The following COX10 variants were observed in gnomAD, a reference collection of about 807,000 sequenced individuals.
COX10 encodes cytochrome c oxidase assembly factor heme A:farnesyltransferase COX10.
In COX10, 27 loss-of-function variants were observed where a neutral mutation model predicts 37.3. The observed-to-expected ratio is 0.72, with a 90% CI of 0.53 to 1.00. COX10 has a LOEUF of 1.00. Ranked by LOEUF, COX10 falls within the 50% of genes least tolerant of loss-of-function variation. COX10 has a pLI of 0.00. For missense variants in COX10, 475 were observed against 563.2 expected (o/e 0.84, Z 1.59); for synonymous variants, 222 against 229.1 (o/e 0.97, Z 0.28).
At chr17:14,086,266 ATT>A (rs1915407323) in intron 3 of COX10, among the ~76,000 whole-genome samples, 1 of 152,008 alleles carries the variant, frequency 6.6e-6, no homozygotes, top group African/African-American at 2.4e-5. Context: ...ATTTATCTGC[ATT>A]GTTAATATTA....
Position 14,192,176 on chromosome 17 carries a change from C to A in COX10, c.883C>A (p.Pro295Thr). Residue 295 changes from proline (P) to threonine (T), a missense_variant, in exon 6 of 7, where the codon CCG becomes ACG. Physicochemically the swap from Pro to Thr is conservative, Grantham distance 38. Transcript: ENST00000261643. ...TWVGAVVGAI[P>T]PVMGWTAATG... ...GGTCGGAGCTGTGGTTGGGGCCATC[C>A]CGCCTGTCATGGGCTGGACAGCGGC... The A allele has an allele frequency of 6.2e-7, 1 of 1,614,256 alleles. No homozygotes were observed. The highest frequency in any genetic ancestry group is 8.5e-7 in the Non-Finnish European group (1 of 1,180,032).
intron 4 of COX10, 74 bp from the exon 5 acceptor site, chr17:14,159,803 T>A: frequency 9.0e-7 from 1 of 1,116,154 alleles, no homozygotes; most frequent in Non-Finnish European, 1.3e-6. Flanking sequence ...ACAGAAAAAA[T>A]GTTCAGTACT....
intron 5 of COX10, among the ~76,000 whole-genome samples, chr17:14,189,461 C>A (rs1255722250): frequency 2.6e-5 from 4 of 152,186 alleles, no homozygotes; most frequent in African/African-American, 7.2e-5. Context: ...CCATAAACTT[C>A]TTGTAAAGCA....
chr17:14,194,708 A>G (rs2142265029), intron 6 of COX10, among the ~76,000 whole-genome samples: 1 of 152,320 alleles, frequency 6.6e-6, no homozygotes, highest in Non-Finnish European at 1.5e-5. Context: ...TACAGGCGTG[A>G]GCCACCGCGC....
At chr17:14,141,889 T>C (rs1488516145) in intron 4 of COX10, among the ~76,000 whole-genome samples, 4 of 152,208 alleles carry the variant, frequency 2.6e-5, no homozygotes, top group African/African-American at 7.2e-5. Flanking sequence ...TTTTTAAATA[T>C]AGAATTGTAC....
At chr17:14,100,354 G>A (rs1915749174) in intron 3 of COX10, among the ~76,000 whole-genome samples, 1 of 152,168 alleles carries the variant, frequency 6.6e-6, no homozygotes, top group South Asian at 2.1e-4. Flanking sequence ...ACACAGACAG[G>A]GGTCCTACCT....
At chr17:14,071,451 C>A (rs1915019924) in intron 1 of COX10, among the ~76,000 whole-genome samples, 2 of 152,132 alleles carry the variant, frequency 1.3e-5, no homozygotes, top group Admixed American at 1.3e-4. Context: ...TTTGGAAGAT[C>A]TACTAAGAGA....
intron 5 of COX10, among the ~76,000 whole-genome samples, chr17:14,174,936 G>A (rs1222609149): frequency 6.8e-6 from 1 of 148,030 alleles, no homozygotes; most frequent in African/African-American, 2.5e-5. Flanking sequence ...ACTGGTACGT[G>A]CAGTGACACG....
At chr17:14,071,074 A>G (rs1915012047) in intron 1 of COX10, among the ~76,000 whole-genome samples, 1 of 152,178 alleles carries the variant, frequency 6.6e-6, no homozygotes, top group Non-Finnish European at 1.5e-5. Flanking sequence ...TCTTTGTTAC[A>G]TTCTACCATA....
At position 14,206,925 on chromosome 17, in the gene COX10, C is replaced by G. The variant is rs759704916; in HGVS notation, c.1044C>G (p.Thr348=). 2.5e-6 allele frequency: 4 copies of G among 1,613,790 alleles called. No individual in the cohort carries two copies. The South Asian group carries it at 3.3e-5, about 13-fold the overall frequency. The change falls in exon 7 of 7, where the codon ACC becomes ACG. Residue 348 remains threonine, a synonymous_variant. Coordinates refer to ENST00000261643, the MANE Select transcript of COX10 (RefSeq NM_001303.4). ...SRGGYCMMSV[T]HPGLCRRVAL... is the part of the protein sequence containing the mutation. ...GCGGCTACTGCATGATGTCGGTCAC[C>G]CACCCGGGCCTGTGCCGGCGCGTGG...
At chr17:14,172,314 T>C (rs1182408393) in intron 5 of COX10, among the ~76,000 whole-genome samples, 1 of 152,160 alleles carries the variant, frequency 6.6e-6, no homozygotes, top group Non-Finnish European at 1.5e-5. Flanking sequence ...GTTCTATTTT[T>C]AGTTATTTGG....
intron 6 of COX10, among the ~76,000 whole-genome samples, chr17:14,198,101 C>G (rs1026295155): frequency 4.6e-5 from 7 of 152,160 alleles, no homozygotes; most frequent in Admixed American, 4.6e-4. Context: ...GTCTAGCCAG[C>G]TTGTTGTCAC....
chr17:14,158,311 A>T (rs991483546), intron 4 of COX10, among the ~76,000 whole-genome samples: 7 of 152,002 alleles, frequency 4.6e-5, no homozygotes, highest in Non-Finnish European at 1.0e-4. Context: ...TTTTTACAAA[A>T]TTAAAGGGAA....
intron 3 of COX10, among the ~76,000 whole-genome samples, chr17:14,084,124 A>G (rs6502334): frequency 0.99 from 151,483 of 152,260 alleles, 75,362 homozygotes; most frequent in Middle Eastern, 1. Context: ...ATTTTAGATC[A>G]CTTGTATAGT....
chr17:14,120,762 A>C (rs1916212470), intron 4 of COX10, among the ~76,000 whole-genome samples: 1 of 152,194 alleles, frequency 6.6e-6, no homozygotes, highest in Non-Finnish European at 1.5e-5. Context: ...GACAGTGAGT[A>C]CAGATAATTT....
intron 3 of COX10, among the ~76,000 whole-genome samples, chr17:14,085,410 T>C (rs959311652): frequency 2.4e-4 from 36 of 152,318 alleles, no homozygotes; most frequent in South Asian, 1.0e-3. Flanking sequence ...TAAAGGTTGA[T>C]AGTATTCCAT....
rs544421869 is a variant in COX10 at position 14,157,832 on chromosome 17, G to T, written c.625-2045G>T. On this transcript the variant is annotated intron_variant, in intron 4 of 6. Coordinates refer to ENST00000261643, the MANE Select transcript of COX10 (RefSeq NM_001303.4). ...TCAGGCTTGGTAGACAGTTCCTTTTGCAATGCATGTAAAATGCTTAACATG... is the reference window on the plus strand; with the variant it reads ...TCAGGCTTGGTAGACAGTTCCTTTTTCAATGCATGTAAAATGCTTAACATG... 9.8e-5 allele frequency among the ~76,000 whole-genome samples: 15 copies of T among 152,300 alleles called. No homozygotes were observed. The East Asian group carries it at 1.2e-3, about 12-fold the overall frequency.
At chr17:14,115,020 G>T (rs533875429) in intron 4 of COX10, among the ~76,000 whole-genome samples, 1 of 152,098 alleles carries the variant, frequency 6.6e-6, no homozygotes, top group East Asian at 1.9e-4. Flanking sequence ...TAGCTTATGA[G>T]TCCCCTCTTG....
intron 3 of COX10, among the ~76,000 whole-genome samples, chr17:14,100,026 C>T (rs902724334): frequency 6.6e-6 from 1 of 152,080 alleles, no homozygotes; most frequent in Non-Finnish European, 1.5e-5. Flanking sequence ...CTCCCAGTTA[C>T]CAGGTCCTAA....
Sources: gnomAD v4.1 joint callset for allele counts (sites outside exome capture counted in the v4.1 genomes callset) on GRCh38, gnomAD v4.1.1 for gene constraint, MANE v1.5 for transcripts, NCBI Gene and HGNC (gene_info 2026-07-23, HGNC 2026-07-21) for gene names.